Variants in TESK2 observed in about 807,000 individuals in gnomAD.
TESK2 encodes the protein testis associated actin remodelling kinase 2, also known as dual specificity testis-specific protein kinase 2.
A neutral mutation model predicts 57.1 loss-of-function variants in TESK2; 39 were observed. The ratio of observed to expected loss-of-function variants is 0.68; its 90% confidence interval spans 0.53 to 0.89. The LOEUF is 0.89. Ranked by LOEUF, TESK2 falls within the 40% of genes least tolerant of loss-of-function variation. The pLI is 0.00. For synonymous variants in TESK2, 249 were observed against 267.9 expected, an observed-to-expected ratio of 0.93 and a Z score of 0.69; for missense variants, 646 against 732.1, an observed-to-expected ratio of 0.88 and a Z score of 1.36.
chr1:45,376,613 C>G (rs1011049569), intron 4 of TESK2, among the ~76,000 whole-genome samples: 1 of 152,236 alleles, frequency 6.6e-6, no homozygotes, highest in South Asian at 2.1e-4. Context: ...CAAACACACA[C>G]TAAGCATATA....
At chr1:45,398,530 G>A (rs1380423533) in intron 3 of TESK2, among the ~76,000 whole-genome samples, 2 of 152,106 alleles carry the variant, frequency 1.3e-5, no homozygotes, top group Non-Finnish European at 2.9e-5. Context: ...CTGGGTGACA[G>A]AGCAAGCCTC....
chr1:45,387,203 T>C (rs904114239), intron 3 of TESK2, among the ~76,000 whole-genome samples: 14 of 152,070 alleles, frequency 9.2e-5, no homozygotes, highest in East Asian at 1.9e-4. Context: ...AAAGCCCCAA[T>C]TGGAAGTAAA....
At chr1:45,390,439 G>A (rs1033049492) in intron 3 of TESK2, among the ~76,000 whole-genome samples, 31 of 151,894 alleles carry the variant, frequency 2.0e-4, no homozygotes, top group Admixed American at 9.2e-4. Flanking sequence ...ACTCCAGCCT[G>A]GGCAACAGAG....
At chr1:45,422,236 T>C (rs541792889) in intron 2 of TESK2, among the ~76,000 whole-genome samples, 1 of 152,124 alleles carries the variant, frequency 6.6e-6, no homozygotes, top group African/African-American at 2.4e-5. Flanking sequence ...TGAGAACACA[T>C]GGACACAGAG....
At chr1:45,463,490 T>C (rs554710639) in intron 1 of TESK2, among the ~76,000 whole-genome samples, 1 of 152,322 alleles carries the variant, frequency 6.6e-6, no homozygotes, top group South Asian at 2.1e-4. Context: ...CAGTGTATGG[T>C]CTTGGCACCT....
At chr1:45,350,721 T>C (rs1375861283) in intron 5 of TESK2, among the ~76,000 whole-genome samples, 1 of 152,204 alleles carries the variant, frequency 6.6e-6, no homozygotes, top group African/African-American at 2.4e-5. Flanking sequence ...ATAGCTCTTG[T>C]GTAATGGCCT....
chr1:45,429,542 A>G (rs1650863004), intron 2 of TESK2, among the ~76,000 whole-genome samples: 1 of 152,176 alleles, frequency 6.6e-6, no homozygotes, highest in Non-Finnish European at 1.5e-5. Context: ...TAAAGTATAT[A>G]TGACAAAATT....
intron 4 of TESK2, among the ~76,000 whole-genome samples, chr1:45,380,911 AAGATCT>A (rs1363471282): frequency 6.6e-6 from 1 of 152,248 alleles, no homozygotes; most frequent in Non-Finnish European, 1.5e-5. Flanking sequence ...CTACACACAT[AAGATCT>A]TGTGCTTAGC....
At chr1:45,432,140 T>C (rs1387179528) in intron 2 of TESK2, among the ~76,000 whole-genome samples, 4 of 151,652 alleles carry the variant, frequency 2.6e-5, no homozygotes, top group Admixed American at 1.3e-4. Context: ...TCCCAGATAC[T>C]TGGGAGGCTG....
intron 2 of TESK2, 89 bp from the exon 3 acceptor site, chr1:45,421,935 A>AT: frequency 7.0e-7 from 1 of 1,421,534 alleles, no homozygotes; most frequent in Non-Finnish European, 9.6e-7. Context: ...ATGCCAAGAT[A>AT]TTTTTGTGCC....
intron 3 of TESK2, chr1:45,415,291 G>A (rs1034574510): frequency 1.7e-5 from 22 of 1,292,044 alleles, no homozygotes; most frequent in Non-Finnish European, 2.3e-5. Context: ...CTTTGGGTCT[G>A]GGAATGGCAA....
At chr1:45,420,731 C>T (rs909738710) in intron 3 of TESK2, among the ~76,000 whole-genome samples, 8 of 151,614 alleles carry the variant, frequency 5.3e-5, no homozygotes, top group African/African-American at 9.7e-5. Context: ...ACTATAGGCA[C>T]GTGCCACCAC....
chr1:45,384,593 ATTTTTTTTT>A (rs59988269), intron 4 of TESK2, among the ~76,000 whole-genome samples: 29 of 70,880 alleles, frequency 4.1e-4, no homozygotes, highest in Non-Finnish European at 6.5e-4. Flanking sequence ...CTAATTATTA[ATTTTTTTTT>A]TTTTTTTTTT....
At chr1:45,447,035 T>C (rs1651674103) in intron 2 of TESK2, among the ~76,000 whole-genome samples, 2 of 152,230 alleles carry the variant, frequency 1.3e-5, no homozygotes, top group South Asian at 2.1e-4. Flanking sequence ...CTGGGCAACA[T>C]AGTGAGACCT....
intron 2 of TESK2, among the ~76,000 whole-genome samples, chr1:45,435,816 T>C (rs1007570772): frequency 2.0e-5 from 3 of 151,784 alleles, no homozygotes; most frequent in Admixed American, 6.6e-5. Context: ...TTGACTTTTG[T>C]ATATAGTAAG....
At chr1:45,412,735 G>C (rs1650081800) in intron 3 of TESK2, among the ~76,000 whole-genome samples, 1 of 152,190 alleles carries the variant, frequency 6.6e-6, no homozygotes. Flanking sequence ...AAATAACAGA[G>C]AGACCCAGTG....
At chr1:45,476,202 T>C (rs1652983577) in intron 1 of TESK2, among the ~76,000 whole-genome samples, 1 of 151,960 alleles carries the variant, frequency 6.6e-6, no homozygotes, top group South Asian at 2.1e-4. Context: ...AAAATAGAGA[T>C]AGATTAAATA....
chr1:45,379,879 T>G (rs576696081), intron 4 of TESK2, among the ~76,000 whole-genome samples: 1 of 152,046 alleles, frequency 6.6e-6, no homozygotes, highest in Non-Finnish European at 1.5e-5. Flanking sequence ...AAAATAAGAA[T>G]AGTTTATTTT....
intron 4 of TESK2, among the ~76,000 whole-genome samples, chr1:45,368,263 G>A (rs1349565713): frequency 6.6e-6 from 1 of 152,170 alleles, no homozygotes; most frequent in Non-Finnish European, 1.5e-5. Context: ...CCGAAGTGCT[G>A]GGATTACAGG....
Sources: allele counts gnomAD v4.1 joint callset (sites outside exome capture counted in the v4.1 genomes callset), GRCh38; gene constraint gnomAD v4.1.1; transcripts MANE v1.5; gene names NCBI Gene and HGNC (gene_info 2026-07-23, HGNC 2026-07-21).